The following FSTL4 variants were observed in gnomAD, a reference collection of about 807,000 sequenced individuals.
FSTL4 encodes the protein follistatin like 4, also known as follistatin-related protein 4.
FSTL4 carries 28 observed loss-of-function variants against 78.2 expected under a neutral mutation model. The ratio of observed to expected loss-of-function variants is 0.36; its 90% CI spans 0.27 to 0.49. The LOEUF is 0.49. Ranked by LOEUF, FSTL4 falls within the 20% of genes least tolerant of loss-of-function variation. FSTL4 has a pLI of 0.98. For synonymous variants in FSTL4, 422 were observed against 440.5 expected (o/e 0.96, Z 0.53); for missense variants, 922 against 1,084.9 (o/e 0.85, Z 2.11).
the FSTL4 span, among the ~76,000 whole-genome samples, chr5:133,639,011 T>C: frequency 3.3e-5 from 5 of 152,158 alleles, no homozygotes; most frequent in Admixed American, 3.3e-4. Context: ...ATGTGCAGAA[T>C]GTGTAGGTTT....
At chr5:133,841,979 G>A in the FSTL4 span, among the ~76,000 whole-genome samples, 1 of 152,210 alleles carries the variant, frequency 6.6e-6, no homozygotes, top group Non-Finnish European at 1.5e-5. Context: ...GCCTGGCTGG[G>A]ACCACTGGCT....
Position 133,483,026 on chromosome 5 carries a change from C to T in FSTL4, c.161-82040G>A, listed in dbSNP as rs529289562. 8.5e-5 allele frequency among the ~76,000 whole-genome samples: 13 copies of T among 152,238 alleles called. No homozygotes were observed. In the East Asian group the frequency reaches 1.7e-3, roughly 20 times the overall value. ...TTGTAGCTACCATCATCCTATGTGT[C>T]GTGGGAGGGACCCAGTGGGAGGTAA... On this transcript the variant is annotated intron_variant, in intron 3 of 15. Coordinates refer to ENST00000265342, the MANE Select transcript of FSTL4 (RefSeq NM_015082.2).
chr5:133,481,103 C>A (rs1014191117), intron 3 of FSTL4, among the ~76,000 whole-genome samples: 2 of 152,180 alleles, frequency 1.3e-5, no homozygotes, highest in East Asian at 1.9e-4. Context: ...CTGTGCACTG[C>A]GCTGTTTACC....
intron 14 of FSTL4, chr5:133,207,966 G>A (rs1249316799): frequency 6.6e-6 from 1 of 152,080 alleles, no homozygotes; most frequent in Non-Finnish European, 1.5e-5. Flanking sequence ...TCTTTTTACT[G>A]AAACAATTTA....
At chr5:133,754,764 C>A in the FSTL4 span, among the ~76,000 whole-genome samples, 1 of 152,090 alleles carries the variant, frequency 6.6e-6, no homozygotes, top group African/African-American at 2.4e-5. Flanking sequence ...ATCCTGAGCC[C>A]AGTGGAGCTC....
At chr5:133,735,202 C>T in the FSTL4 span, among the ~76,000 whole-genome samples, 69 of 152,276 alleles carry the variant, frequency 4.5e-4, no homozygotes, top group Middle Eastern at 3.4e-3. Flanking sequence ...CAGTGGCTCA[C>T]GCCTGTAATC....
chr5:133,317,592 G>A (rs1753940064), intron 4 of FSTL4, among the ~76,000 whole-genome samples: 1 of 152,230 alleles, frequency 6.6e-6, no homozygotes, highest in African/African-American at 2.4e-5. Context: ...CCAGTTTAGG[G>A]CCTGAGATAA....
chr5:133,653,054 T>C, the FSTL4 span, among the ~76,000 whole-genome samples: 48 of 152,312 alleles, frequency 3.2e-4, no homozygotes, highest in Admixed American at 5.2e-4. Context: ...AAACGCTGCA[T>C]TAGGTTTTAG....
chr5:133,498,317 T>G (rs1758414506), intron 3 of FSTL4, among the ~76,000 whole-genome samples: 1 of 152,230 alleles, frequency 6.6e-6, no homozygotes. Flanking sequence ...ATGGTCTTGC[T>G]TACTAAGAAT....
At chr5:133,525,992 A>G in intron 3 of FSTL4, among the ~76,000 whole-genome samples, 1 of 152,196 alleles carries the variant, frequency 6.6e-6, no homozygotes, top group Non-Finnish European at 1.5e-5. Flanking sequence ...CATGGGGGAG[A>G]CGGAGCAGCT....
At chr5:133,471,180 T>TA (rs1757819599) in intron 3 of FSTL4, among the ~76,000 whole-genome samples, 1 of 152,188 alleles carries the variant, frequency 6.6e-6, no homozygotes, top group Non-Finnish European at 1.5e-5. Flanking sequence ...ATTTGTAAAA[T>TA]ATTGCATTAA....
intron 3 of FSTL4, among the ~76,000 whole-genome samples, chr5:133,524,795 T>C (rs951660673): frequency 3.9e-5 from 6 of 152,136 alleles, no homozygotes; most frequent in African/African-American, 1.4e-4. Flanking sequence ...AAGGCAGCCA[T>C]CCCGCTGCCT....
chr5:133,698,894 C>T, the FSTL4 span, among the ~76,000 whole-genome samples: 169 of 152,364 alleles, frequency 1.1e-3, no homozygotes, highest in Non-Finnish European at 1.9e-3. Context: ...GACAGACCCA[C>T]GGCTCTCAGG....
the FSTL4 span, among the ~76,000 whole-genome samples, chr5:133,790,481 A>G: frequency 5.3e-5 from 8 of 152,160 alleles, no homozygotes; most frequent in Non-Finnish European, 1.2e-4. Context: ...ATGCTCTCTC[A>G]ACAACCCACT....
the FSTL4 span, among the ~76,000 whole-genome samples, chr5:133,774,286 G>A: frequency 6.6e-6 from 1 of 152,076 alleles, no homozygotes; most frequent in Non-Finnish European, 1.5e-5. Context: ...TCTTTGCCAG[G>A]GCTCTTAGGC....
intron 3 of FSTL4, among the ~76,000 whole-genome samples, chr5:133,490,129 CA>C (rs950509478): frequency 6.8e-5 from 10 of 148,050 alleles, no homozygotes; most frequent in African/African-American, 2.5e-4. Context: ...ATCTTTGCCT[CA>C]TTGTTTTTTT....
the FSTL4 span, among the ~76,000 whole-genome samples, chr5:133,823,004 G>A: frequency 6.6e-6 from 1 of 152,150 alleles, no homozygotes; most frequent in African/African-American, 2.4e-5. Flanking sequence ...AGGTGGGGTT[G>A]GGGGCATGGG....
the FSTL4 span, among the ~76,000 whole-genome samples, chr5:133,660,450 C>G: frequency 6.6e-6 from 1 of 152,242 alleles, no homozygotes; most frequent in African/African-American, 2.4e-5. Context: ...GCAGCAAAGA[C>G]TGGCCTTACC....
At chr5:133,395,779 A>C (rs1193007598) in intron 4 of FSTL4, among the ~76,000 whole-genome samples, 1 of 152,086 alleles carries the variant, frequency 6.6e-6, no homozygotes, top group Non-Finnish European at 1.5e-5. Context: ...TGCTCTTCAA[A>C]ATCCACCTTG....
Sources: gnomAD v4.1 joint callset for allele counts (sites outside exome capture counted in the v4.1 genomes callset) on GRCh38, gnomAD v4.1.1 for gene constraint, MANE v1.5 for transcripts, NCBI Gene and HGNC (gene_info 2026-07-23, HGNC 2026-07-21) for gene names.